Variants in C19orf38 observed in about 807,000 individuals in gnomAD.
C19orf38 encodes the protein chromosome 19 open reading frame 38.
A neutral mutation model predicts 26.6 loss-of-function variants in C19orf38; 14 were observed. The observed-to-expected ratio is 0.53, with a 90% CI of 0.35 to 0.82. The LOEUF is 0.82. Among genes scored for constraint, C19orf38 ranks in the 40% least tolerant of loss-of-function variants. C19orf38 has a pLI of 0.01. For synonymous variants in C19orf38, 132 were observed against 128.5 expected, an observed-to-expected ratio of 1.03 and a Z score of -0.18; for missense variants, 261 against 299.5, an observed-to-expected ratio of 0.87 and a Z score of 0.95.
chr19:10,869,269 A>T lies in C19orf38; in HGVS notation c.595A>T (p.Thr199Ser), dbSNP rs1314275332. The T allele has an allele frequency of 5.2e-6, 8 of 1,551,676 alleles. No homozygotes were observed. The East Asian group carries it at 2.0e-4, about 38-fold the overall frequency. Residue 199 changes from threonine to serine, a missense_variant, in exon 7 of 7, where the codon ACT (threonine) becomes TCT (serine). Thr to Ser is a moderately conservative substitution (Grantham distance 58, BLOSUM62 1). Coordinates refer to ENST00000397820, the MANE Select transcript of C19orf38 (RefSeq NM_001136482.3). ...PATLDDHSGT[T>S]ATPSNSRTRK... ...CACCTTGGATGATCACTCAGGCACCACTGCCACCCCCAGCAACTCCAGGAC... is the reference window on the plus strand; with the variant it reads ...CACCTTGGATGATCACTCAGGCACCTCTGCCACCCCCAGCAACTCCAGGAC...
At chr19:10,863,855 G>A (rs1235341000) in intron 6 of C19orf38, among the ~76,000 whole-genome samples, 1 of 152,138 alleles carries the variant, frequency 6.6e-6, no homozygotes, top group East Asian at 1.9e-4. Flanking sequence ...GGAGGTAGCA[G>A]TGAGCCAAGA....
chr19:10,855,299 C>T (rs1023709586), intron 2 of C19orf38, among the ~76,000 whole-genome samples: 1 of 151,984 alleles, frequency 6.6e-6, no homozygotes, highest in Non-Finnish European at 1.5e-5. Context: ...TCCCAAAGGG[C>T]TGGGATTACA....
intron 1 of C19orf38, among the ~76,000 whole-genome samples, chr19:10,842,742 A>C (rs962977676): frequency 6.6e-6 from 1 of 152,128 alleles, no homozygotes; most frequent in South Asian, 2.1e-4. Flanking sequence ...GTCTCAAAAA[A>C]AAAAACCAGA....
In C19orf38 at chr19:10,841,511, G is replaced by A. The variant is rs1465685772; in HGVS notation, c.-69+4741G>A. On this transcript the variant is annotated intron_variant, in intron 1 of 7. Transcript: ENST00000592854. ...CACACACAAAAAAATACCCTCTCGCGGCCGGGCACAGTGGCTCACGCCTGT... is the reference window on the plus strand; with the variant it reads ...CACACACAAAAAAATACCCTCTCGCAGCCGGGCACAGTGGCTCACGCCTGT... 2.6e-5 allele frequency among the ~76,000 whole-genome samples: 4 copies of A among 151,738 alleles called. No homozygotes were observed. The South Asian group carries it at 6.2e-4, about 24-fold the overall frequency.
intron 5 of C19orf38, among the ~76,000 whole-genome samples, chr19:10,862,103 T>C (rs892734126): frequency 7.3e-5 from 11 of 151,352 alleles, no homozygotes; most frequent in African/African-American, 2.7e-4. Flanking sequence ...GATTTCACCA[T>C]GTTAGCCAGG....
intron 5 of C19orf38, among the ~76,000 whole-genome samples, chr19:10,860,517 A>G (rs1017574925): frequency 1.5e-5 from 2 of 133,816 alleles, no homozygotes; most frequent in African/African-American, 2.8e-5. Context: ...CCTGGGCAAC[A>G]GAGCCAGACT....
intron 3 of C19orf38, among the ~76,000 whole-genome samples, chr19:10,857,364 A>AT (rs1484640109): frequency 7.0e-4 from 55 of 78,166 alleles, no homozygotes; most frequent in South Asian, 2.1e-3. Flanking sequence ...ATATATATAT[A>AT]TATTTTTTTT....
At chr19:10,848,166 G>A (rs1324270319), upstream of C19orf38, among the ~76,000 whole-genome samples, 1 of 152,100 alleles carries the variant, frequency 6.6e-6, no homozygotes, top group Non-Finnish European at 1.5e-5. Flanking sequence ...ACTCCAGCCT[G>A]GGCAACAGAG....
At chr19:10,860,559 A>AAT (rs71164126) in intron 5 of C19orf38, among the ~76,000 whole-genome samples, 45 of 138,434 alleles carry the variant, frequency 3.3e-4, no homozygotes, top group African/African-American at 1.2e-3. Context: ...AAAAAAAAAA[A>AAT]GGCCAGGCGT....
intron 6 of C19orf38, among the ~76,000 whole-genome samples, chr19:10,868,260 C>T (rs1484675514): frequency 2.0e-5 from 3 of 152,142 alleles, no homozygotes; most frequent in African/African-American, 4.8e-5. Flanking sequence ...CAGGTGGGAT[C>T]GATTATTTTC....
At position 10,850,392 on chromosome 19, in the gene C19orf38, GCAGGTGGTC is replaced by G. The variant is rs1325144515; in HGVS notation, c.169_177del (p.Val57_Gln59del). The G allele has an allele frequency of 6.4e-7, 1 of 1,550,844 alleles. No individual in the cohort carries two copies. The highest frequency in any genetic ancestry group is 2.4e-5 in the East Asian group (1 of 40,896). On this transcript the variant is annotated inframe_deletion, in exon 2 of 7. Coordinates refer to ENST00000397820, the MANE Select transcript of C19orf38 (RefSeq NM_001136482.3). ...CGAATTTCACACTGTATCGAGGGGG[GCAGGTGGTC>G]CAGCTCCTGCAGGCCCCCACGGACC...
upstream of C19orf38, among the ~76,000 whole-genome samples, chr19:10,847,433 G>T (rs2073527004): frequency 6.7e-6 from 1 of 149,972 alleles, no homozygotes; most frequent in African/African-American, 2.5e-5. Context: ...GAGTGCAATG[G>T]CGCGATCTCA....
chr19:10,867,332 C>T (rs925724476), intron 6 of C19orf38, among the ~76,000 whole-genome samples: 7 of 151,292 alleles, frequency 4.6e-5, no homozygotes, highest in East Asian at 3.9e-4. Context: ...ATGGCAGGCA[C>T]GGTAGCACAT....
At chr19:10,847,955 G>A (rs935947151), upstream of C19orf38, among the ~76,000 whole-genome samples, 2 of 152,024 alleles carry the variant, frequency 1.3e-5, no homozygotes, top group African/African-American at 4.8e-5. Context: ...CACTTTGGGA[G>A]GCTGGGGCGG....
intron 1 of C19orf38, among the ~76,000 whole-genome samples, chr19:10,838,588 T>G (rs1400339406): frequency 6.6e-6 from 1 of 151,468 alleles, no homozygotes; most frequent in Non-Finnish European, 1.5e-5. Context: ...ACACCCGGGG[T>G]CGTTGTCTCA....
upstream of C19orf38, among the ~76,000 whole-genome samples, chr19:10,845,419 G>A (rs926207497): frequency 2.6e-5 from 4 of 152,060 alleles, no homozygotes; most frequent in Non-Finnish European, 2.9e-5. Context: ...AAAAGCCCAA[G>A]TACTTGGGCA....
intron 4 of C19orf38, among the ~76,000 whole-genome samples, chr19:10,859,237 T>G (rs1039390134): frequency 6.8e-5 from 8 of 116,908 alleles, no homozygotes; most frequent in Non-Finnish European, 1.2e-4. Flanking sequence ...GTGCCTGGCT[T>G]TTATATATGT....
intron 2 of C19orf38, among the ~76,000 whole-genome samples, chr19:10,853,224 G>A (rs1425058074): frequency 6.6e-6 from 1 of 151,340 alleles, no homozygotes; most frequent in Non-Finnish European, 1.5e-5. Context: ...CACCACGCCT[G>A]GCTAATATGT....
At chr19:10,861,529 G>A (rs1335895665) in intron 5 of C19orf38, among the ~76,000 whole-genome samples, 2 of 152,134 alleles carry the variant, frequency 1.3e-5, no homozygotes, top group East Asian at 3.9e-4. Context: ...GCCCGTGATG[G>A]CACCAGACTG....
Sources: allele counts gnomAD v4.1 joint callset (sites outside exome capture counted in the v4.1 genomes callset), GRCh38; gene constraint gnomAD v4.1.1; transcripts MANE v1.5; gene names NCBI Gene and HGNC (gene_info 2026-07-23, HGNC 2026-07-21).